TMLHE: variants seen among roughly 807,000 people sequenced by gnomAD.
TMLHE encodes trimethyllysine hydroxylase, epsilon.
Under a neutral mutation model 25.7 loss-of-function variants are expected in TMLHE, and 18 were observed. That is an observed-to-expected ratio of 0.70 (90% CI 0.48 to 1.04). The LOEUF is 1.04. Among genes scored for constraint, TMLHE ranks in the 50% least tolerant of loss-of-function variants. The probability of loss-of-function intolerance (pLI) is 0.00; values close to 1 mark genes in which losing one functional copy is unlikely to be tolerated. For synonymous variants in TMLHE, 105 were observed against 97.0 expected, an observed-to-expected ratio of 1.08 and a Z score of -0.49; for missense variants, 236 against 259.0, an observed-to-expected ratio of 0.91 and a Z score of 0.61.
In TMLHE at chrX:155,511,727, G is replaced by T. The variant is rs140048282; in HGVS notation, c.704C>A (p.Thr235Asn). The T allele has an allele frequency of 3.7e-4, 446 of 1,200,801 alleles. 1 individual carries two copies. The African/African-American group carries it at 7.5e-3, about 20-fold the overall frequency. The change falls in exon 5 of 8, where the codon ACC (threonine) becomes AAC (asparagine). Residue 235 changes from threonine to asparagine, a missense_variant. Physicochemically the swap from Thr to Asn is moderately conservative, Grantham distance 65. Transcript: ENST00000334398. Reference protein sequence around the residue: ...SDFSRGDTAYTKLALDRHTDT... With the variant: ...SDFSRGDTAYNKLALDRHTDT... ...AGTGTGCCGATCCAGAGCTAGCTTG[G>T]TGTACGCAGTGTCACCTCTGGAGAA...
intron 1 of TMLHE, among the ~76,000 whole-genome samples, chrX:155,582,417 C>A (rs2067635734): frequency 8.9e-6 from 1 of 112,040 alleles, no homozygotes; most frequent in Non-Finnish European, 1.9e-5. Context: ...TTTTTGCAAT[C>A]TACCCATCTG....
At chrX:155,511,278 T>C (rs781841644) in intron 5 of TMLHE, among the ~76,000 whole-genome samples, 1 of 110,226 alleles carries the variant, frequency 9.1e-6, no homozygotes, top group Non-Finnish European at 1.9e-5. Context: ...TCCCTGACTC[T>C]CTCTCACTTG....
intron 3 of TMLHE, among the ~76,000 whole-genome samples, chrX:155,518,402 T>C (rs1443881499): frequency 4.2e-5 from 4 of 94,645 alleles, no homozygotes; most frequent in Admixed American, 1.2e-4. Context: ...CTTTTTGATG[T>C]GCTGCTGGAT....
intron 2 of TMLHE, among the ~76,000 whole-genome samples, chrX:155,531,258 A>G (rs1310448054): frequency 8.9e-6 from 1 of 112,041 alleles, no homozygotes; most frequent in East Asian, 2.8e-4. Flanking sequence ...ACCTGGGGCT[A>G]GGTAACTTGT....
chrX:155,594,919 T>C (rs1331651177), intron 1 of TMLHE, among the ~76,000 whole-genome samples: 4 of 111,603 alleles, frequency 3.6e-5, no homozygotes, highest in African/African-American at 1.3e-4. Context: ...CAGAATTTTT[T>C]CAACATATTT....
intron 2 of TMLHE, among the ~76,000 whole-genome samples, chrX:155,525,348 C>T (rs1243036474): frequency 8.0e-5 from 9 of 112,082 alleles, no homozygotes; most frequent in African/African-American, 2.6e-4. Flanking sequence ...CTTCCCCTCA[C>T]CTTCCACCAT....
intron 1 of TMLHE, among the ~76,000 whole-genome samples, chrX:155,572,788 G>T (rs1363338227): frequency 1.8e-5 from 1 of 56,509 alleles, no homozygotes; most frequent in African/African-American, 4.2e-5. Context: ...GCCATATGTA[G>T]AAAGCTGAAA....
Position 155,609,220 on chromosome X carries a change from A to G in TMLHE, c.-2+3572T>C, listed in dbSNP as rs182278674. ...ATACTATGCAGCCACAAAAAGAATG[A>G]GATCATGTCCTTGGCAACAACATGG... On this transcript the variant is annotated intron_variant, in intron 1 of 7. Coordinates refer to ENST00000334398, the MANE Select transcript of TMLHE (RefSeq NM_018196.4). 4.0e-3 allele frequency among the ~76,000 whole-genome samples: 448 copies of G among 112,244 alleles called. 2 individuals are homozygous for G. The highest frequency in any genetic ancestry group is 0.013 in the African/African-American group (412 of 30,886).
At chrX:155,580,924 A>G (rs111730874) in intron 1 of TMLHE, among the ~76,000 whole-genome samples, 1,935 of 112,111 alleles carry the variant, frequency 0.017, 54 homozygotes, top group African/African-American at 0.059. Flanking sequence ...AAAATCCTCA[A>G]TAAAATACTA....
At chrX:155,512,326 A>T (rs868915279) in intron 4 of TMLHE, among the ~76,000 whole-genome samples, 1 of 31,643 alleles carries the variant, frequency 3.2e-5, no homozygotes, top group Non-Finnish European at 5.9e-5. Flanking sequence ...CCTTCCCCCC[A>T]CCCCACAACA....
intron 1 of TMLHE, among the ~76,000 whole-genome samples, chrX:155,590,981 A>G (rs1422014418): frequency 2.7e-5 from 3 of 111,622 alleles, no homozygotes; most frequent in Non-Finnish European, 5.7e-5. Context: ...GACACGCTTT[A>G]CAGTCAAAGA....
At chrX:155,522,541 A>G (rs1421012078) in intron 3 of TMLHE, among the ~76,000 whole-genome samples, 1 of 112,077 alleles carries the variant, frequency 8.9e-6, no homozygotes, top group Non-Finnish European at 1.9e-5. Context: ...TTTTACAGCT[A>G]CATCCGCCAC....
chrX:155,583,471 C>T (rs2067645103), intron 1 of TMLHE, among the ~76,000 whole-genome samples: 1 of 107,542 alleles, frequency 9.3e-6, no homozygotes, highest in African/African-American at 3.4e-5. Context: ...CCCACCCTCC[C>T]ACAACATGTA....
intron 1 of TMLHE, among the ~76,000 whole-genome samples, chrX:155,583,105 A>G (rs1276752253): frequency 3.5e-4 from 39 of 111,368 alleles, no homozygotes; most frequent in African/African-American, 1.2e-3. Flanking sequence ...TCTCACTCAT[A>G]GGTGGGAACT....
intron 1 of TMLHE, among the ~76,000 whole-genome samples, chrX:155,547,387 G>C (rs1423548416): frequency 1.8e-5 from 2 of 110,279 alleles, no homozygotes; most frequent in Admixed American, 1.9e-4. Context: ...CTCGTGATCC[G>C]CCGCCTCAGC....
chrX:155,513,908 C>A, intron 4 of TMLHE, 78 bp downstream of exon 4: 1 of 1,028,893 alleles, frequency 9.7e-7, no homozygotes, highest in Non-Finnish European at 1.3e-6. Flanking sequence ...GTGACCATAC[C>A]TGTTACATTT....
chrX:155,513,595 G>A (rs1261844393), intron 4 of TMLHE, among the ~76,000 whole-genome samples: 3 of 110,182 alleles, frequency 2.7e-5, no homozygotes, highest in Admixed American at 9.7e-5. Context: ...AGGACAGTGG[G>A]GGTCGAGGGG....
At position 155,509,003 on chromosome X, in the gene TMLHE, A is replaced by C. The variant is rs1302835141; in HGVS notation, c.759-1869T>G. 6.3e-5 allele frequency among the ~76,000 whole-genome samples: 7 copies of C among 111,156 alleles called. No homozygotes were observed. The East Asian group carries it at 2.0e-3, about 31-fold the overall frequency. On this transcript the variant is annotated intron_variant, in intron 5 of 7. Transcript: ENST00000334398. The stretch of plus-strand genomic sequence containing the variant: ...ATAAGAAGGAGTCAATAGGTATGGA[A>C]AGGCTGAAGATAGAGGAGAGAGAAA...
chrX:155,512,459 A>G (rs782324208), intron 4 of TMLHE, among the ~76,000 whole-genome samples: 2 of 109,279 alleles, frequency 1.8e-5, no homozygotes, highest in Non-Finnish European at 3.8e-5. Context: ...GAGAATGAGG[A>G]TTTCCAATTT....
Sources: gnomAD v4.1 joint callset for allele counts (sites outside exome capture counted in the v4.1 genomes callset) on GRCh38, gnomAD v4.1.1 for gene constraint, MANE v1.5 for transcripts, NCBI Gene and HGNC (gene_info 2026-07-23, HGNC 2026-07-21) for gene names.